Variants in PRKN observed in about 807,000 individuals in gnomAD.
PRKN encodes E3 ubiquitin-protein ligase parkin.
PRKN carries 56 observed loss-of-function variants against 59.5 expected under a neutral mutation model. That is an observed-to-expected ratio of 0.94 (90% CI 0.76 to 1.18). The LOEUF is 1.18. PRKN is among the 50% of genes most tolerant of loss of function. PRKN has a pLI of 0.00. For missense variants in PRKN, 657 were observed against 596.4 expected (o/e 1.10, Z -1.06); for synonymous variants, 250 against 222.1 (o/e 1.13, Z -1.12).
intron 4 of PRKN, among the ~76,000 whole-genome samples, chr6:162,180,483 A>G (rs1002331844): frequency 6.6e-6 from 1 of 152,170 alleles, no homozygotes; most frequent in African/African-American, 2.4e-5. Context: ...AATATACTAT[A>G]AACATATGTG....
intron 6 of PRKN, among the ~76,000 whole-genome samples, chr6:161,957,432 G>GTTTTTTTT (rs759971034): frequency 7.1e-5 from 8 of 112,854 alleles, no homozygotes; most frequent in Non-Finnish European, 7.6e-5. Flanking sequence ...TTGTTTGTTT[G>GTTTTTTTT]TTTGTTTTTT....
intron 9 of PRKN, among the ~76,000 whole-genome samples, chr6:161,536,965 T>C (rs765411721): frequency 2.0e-5 from 3 of 152,374 alleles, no homozygotes; most frequent in Admixed American, 6.5e-5. Context: ...TCTGGGTCAA[T>C]AGATTTAGTC....
At chr6:162,027,416 G>T (rs569252325) in intron 5 of PRKN, among the ~76,000 whole-genome samples, 1 of 152,130 alleles carries the variant, frequency 6.6e-6, no homozygotes, top group African/African-American at 2.4e-5. Flanking sequence ...TCAGAGAATT[G>T]CTCTGATTTC....
Position 161,527,331 on chromosome 6 carries a change from A to G in PRKN, c.1083+21523T>C, listed in dbSNP as rs917188976. Reference sequence around the variant, plus strand: ...TTGGGGTGAAGTGTCTTGAGCCCCAACGGCATCAAGTATGAACTTGGAGCC... The same window carrying G: ...TTGGGGTGAAGTGTCTTGAGCCCCAGCGGCATCAAGTATGAACTTGGAGCC... On this transcript the variant is annotated intron_variant, in intron 9 of 11. Coordinates refer to ENST00000366898, the MANE Select transcript of PRKN (RefSeq NM_004562.3). The surrounding 1 kb of genome is among the most constrained non-coding windows in gnomAD (Gnocchi z 4.6). Among the ~76,000 whole-genome samples the G allele has an allele frequency of 6.6e-6, 1 of 152,156 alleles. No individual in the cohort carries two copies. The highest frequency in any genetic ancestry group is 2.4e-5 in the African/African-American group (1 of 41,438).
chr6:162,617,065 T>C (rs1467028737), intron 1 of PRKN, among the ~76,000 whole-genome samples: 1 of 152,156 alleles, frequency 6.6e-6, no homozygotes, highest in East Asian at 1.9e-4. Flanking sequence ...TTGATAATAA[T>C]TGTACATAAT....
chr6:162,396,396 T>C (rs1354606773), intron 2 of PRKN, among the ~76,000 whole-genome samples: 3 of 152,104 alleles, frequency 2.0e-5, no homozygotes, highest in African/African-American at 7.2e-5. Flanking sequence ...CCTTTGTTTT[T>C]AGGTGGGACG....
intron 2 of PRKN, among the ~76,000 whole-genome samples, chr6:162,365,009 G>A (rs1475494676): frequency 7.5e-6 from 1 of 133,686 alleles, no homozygotes; most frequent in Non-Finnish European, 1.6e-5. Flanking sequence ...AATATGTAGT[G>A]TGGGATTTTC....
intron 5 of PRKN, among the ~76,000 whole-genome samples, chr6:162,012,249 T>A (rs915902241): frequency 6.6e-6 from 1 of 152,136 alleles, no homozygotes. Flanking sequence ...TACAAAGAAC[T>A]CTTACATATT....
intron 10 of PRKN, among the ~76,000 whole-genome samples, chr6:161,368,582 A>G (rs1271881932): frequency 6.6e-6 from 1 of 151,204 alleles, no homozygotes; most frequent in African/African-American, 2.4e-5. Flanking sequence ...AGCAACTACC[A>G]CCACCACCAG....
At chr6:161,700,631 G>A (rs976452708) in intron 7 of PRKN, among the ~76,000 whole-genome samples, 1 of 152,158 alleles carries the variant, frequency 6.6e-6, no homozygotes, top group Admixed American at 6.6e-5. Flanking sequence ...TTTCCTGCCT[G>A]TGAGCACAAC....
chr6:162,522,129 A>T (rs1489152105), intron 1 of PRKN, among the ~76,000 whole-genome samples: 1 of 152,018 alleles, frequency 6.6e-6, no homozygotes, highest in Non-Finnish European at 1.5e-5. Context: ...ATTTTATTTT[A>T]TTTTGTTTTT....
At chr6:162,626,408 G>A (rs1782896631) in intron 1 of PRKN, among the ~76,000 whole-genome samples, 1 of 152,120 alleles carries the variant, frequency 6.6e-6, no homozygotes, top group Non-Finnish European at 1.5e-5. Context: ...GTGCCCTTGA[G>A]AATGACTCTC....
rs886850790 is a variant in PRKN at position 162,416,406 on chromosome 6, C to G, written c.171+26904G>C. 2.0e-5 allele frequency among the ~76,000 whole-genome samples: 3 copies of G among 152,300 alleles called. No homozygotes were observed. The East Asian group carries it at 5.8e-4, about 29-fold the overall frequency. On this transcript the variant is annotated intron_variant, in intron 2 of 11. Coordinates refer to ENST00000366898, the MANE Select transcript of PRKN (RefSeq NM_004562.3). The stretch of plus-strand genomic sequence containing the variant: ...GTTAATTATTCTGATCAAGTCTATT[C>G]GGTCTGTGCCAAGAAGAAAACTATG...
At chr6:161,771,603 G>A (rs1789697581) in intron 7 of PRKN, among the ~76,000 whole-genome samples, 1 of 152,014 alleles carries the variant, frequency 6.6e-6, no homozygotes, top group South Asian at 2.1e-4. Context: ...GTCTAGTAAT[G>A]GTTCAAAAAG....
Position 161,367,470 on chromosome 6 carries a change from C to CTT in PRKN, c.1168-7267_1168-7266dup, listed in dbSNP as rs77405672. ...AGAAAACTAATAAGATGTGTCTTTT[C>CTT]TTTTTTTTTTTTTTCTGGTAGACAG... On this transcript the variant is annotated intron_variant, in intron 10 of 11. Coordinates refer to ENST00000366898, the MANE Select transcript of PRKN (RefSeq NM_004562.3). Among the ~76,000 whole-genome samples, 1,223 of 138,346 alleles carry CTT rather than the reference C, an allele frequency of 8.8e-3. 20 individuals carry two copies. The highest frequency in any genetic ancestry group is 0.03 in the African/African-American group (1,130 of 37,854). The allele number at this position is 138,346 out of a possible 152,430, so 90.8% of individuals were successfully genotyped here.
At chr6:161,646,587 G>A (rs184755490) in intron 7 of PRKN, among the ~76,000 whole-genome samples, 19 of 151,304 alleles carry the variant, frequency 1.3e-4, no homozygotes, top group Non-Finnish European at 2.4e-4. Context: ...CTGCGTGTGC[G>A]TGCGTGGCGG....
intron 9 of PRKN, among the ~76,000 whole-genome samples, chr6:161,426,998 C>T (rs887866018): frequency 3.3e-5 from 5 of 151,882 alleles, no homozygotes; most frequent in Non-Finnish European, 5.9e-5. Flanking sequence ...GGATTACAGG[C>T]GTGAGCCACT....
chr6:161,700,672 C>T (rs939491933), intron 7 of PRKN, among the ~76,000 whole-genome samples: 3 of 152,150 alleles, frequency 2.0e-5, no homozygotes, highest in Non-Finnish European at 4.4e-5. Context: ...GACCAACTGT[C>T]TTATTAAACT....
chr6:161,885,059 G>A (rs1257182144), intron 6 of PRKN, among the ~76,000 whole-genome samples: 1 of 150,108 alleles, frequency 6.7e-6, no homozygotes, highest in Non-Finnish European at 1.5e-5. Context: ...TAGACCTACT[G>A]CATCTTCATT....
Sources: gnomAD v4.1 joint callset for allele counts (sites outside exome capture counted in the v4.1 genomes callset) on GRCh38, gnomAD v4.1.1 for gene constraint, Gnocchi (gnomAD v3.1) non-coding constraint, MANE v1.5 for transcripts, NCBI Gene and HGNC (gene_info 2026-07-23, HGNC 2026-07-21) for gene names.